CNTN5: variants seen among roughly 807,000 people sequenced by gnomAD.
CNTN5 encodes the protein contactin 5, also known as contactin-5.
Under a neutral mutation model 129.1 loss-of-function variants are expected in CNTN5, and 77 were observed. The observed-to-expected ratio is 0.60, with a 90% CI of 0.50 to 0.72. CNTN5 has a LOEUF of 0.72. Ranked by LOEUF, CNTN5 falls within the 30% of genes least tolerant of loss-of-function variation. CNTN5 has a pLI of 0.00. For synonymous variants in CNTN5, 509 were observed against 465.6 expected, an observed-to-expected ratio of 1.09 and a Z score of -1.20; for missense variants, 1,478 against 1,328.8, an observed-to-expected ratio of 1.11 and a Z score of -1.75.
chr11:99,648,183 C>T (rs574327735), intron 3 of CNTN5, among the ~76,000 whole-genome samples: 15 of 151,974 alleles, frequency 9.9e-5, no homozygotes, highest in Admixed American at 2.6e-4. Context: ...GAAATTATTA[C>T]GTGGTTTTTG....
intron 3 of CNTN5, among the ~76,000 whole-genome samples, chr11:99,653,603 A>C (rs1512124): frequency 0.31 from 46,898 of 151,830 alleles, 7,674 homozygotes; most frequent in Admixed American, 0.45. Flanking sequence ...GAAAATGCTT[A>C]TAGGCAAGAA....
rs1345746761 is a variant in CNTN5, at chr11:100,358,509, T to C, written c.*2289T>C. On this transcript the variant is annotated 3_prime_UTR_variant, in exon 25 of 25. Transcript: ENST00000524871. ...TATGTACTTATGTGCTGCATATCTG[T>C]TACTTTGTAGAAACCAGAAGAGCAT... 1.3e-5 allele frequency: 2 copies of C among 151,926 alleles called. No homozygotes were observed. The highest frequency in any genetic ancestry group is 2.9e-5 in the Non-Finnish European group (2 of 67,854). The allele number at this position is 151,926 out of a possible 1,614,324, so 9.4% of individuals were successfully genotyped here.
chr11:99,210,982 G>A (rs1859746407), intron 1 of CNTN5, among the ~76,000 whole-genome samples: 1 of 151,980 alleles, frequency 6.6e-6, no homozygotes, highest in South Asian at 2.1e-4. Flanking sequence ...AGCTCTAATA[G>A]AACTATAAAA....
At chr11:99,800,441 T>C (rs1379780819) in intron 3 of CNTN5, among the ~76,000 whole-genome samples, 1 of 152,166 alleles carries the variant, frequency 6.6e-6, no homozygotes, top group East Asian at 1.9e-4. Flanking sequence ...TGTGGAATAT[T>C]CTGTAGATGT....
At chr11:99,808,283 A>G (rs1339715862) in intron 3 of CNTN5, among the ~76,000 whole-genome samples, 2 of 152,188 alleles carry the variant, frequency 1.3e-5, no homozygotes, top group Non-Finnish European at 2.9e-5. Context: ...AGGCTGCAAT[A>G]TTTTAGCCCA....
intron 12 of CNTN5, 130 bp downstream of exon 12, chr11:100,071,964 G>T: frequency 1.2e-6 from 1 of 845,568 alleles, no homozygotes; most frequent in Non-Finnish European, 1.7e-6. Flanking sequence ...GAAATACTAT[G>T]TCTTGCTGAT....
chr11:99,856,816 T>C (rs1948049776), intron 6 of CNTN5, among the ~76,000 whole-genome samples: 1 of 152,198 alleles, frequency 6.6e-6, no homozygotes, highest in African/African-American at 2.4e-5. Flanking sequence ...TTGGACTCTG[T>C]CATTTTTCCA....
At chr11:99,935,244 A>G (rs1950289541) in intron 7 of CNTN5, among the ~76,000 whole-genome samples, 1 of 151,992 alleles carries the variant, frequency 6.6e-6, no homozygotes, top group African/African-American at 2.4e-5. Context: ...TGAGCCCTAT[A>G]GAAAATGATA....
chr11:99,945,892 T>A (rs920149422), intron 7 of CNTN5, among the ~76,000 whole-genome samples: 8 of 152,100 alleles, frequency 5.3e-5, no homozygotes, highest in Non-Finnish European at 1.0e-4. Flanking sequence ...ATAATATAAA[T>A]TGTGTTACTA....
At chr11:99,388,719 T>C (rs1323383989) in intron 2 of CNTN5, among the ~76,000 whole-genome samples, 1 of 152,126 alleles carries the variant, frequency 6.6e-6, no homozygotes. Flanking sequence ...CTACTATACA[T>C]ACAGATTTGT....
intron 8 of CNTN5, among the ~76,000 whole-genome samples, chr11:100,000,787 A>G (rs1235673299): frequency 6.6e-6 from 1 of 152,192 alleles, no homozygotes; most frequent in Non-Finnish European, 1.5e-5. Flanking sequence ...AGAGGTTGCC[A>G]AACCTGAACT....
In CNTN5 at chr11:100,191,246, T is replaced by G; in HGVS notation, c.1701T>G (p.Ser567=). 6.2e-7 allele frequency: 1 copy of G among 1,612,136 alleles called. No homozygotes were observed. Among genetic ancestry groups the G allele is most frequent in the Non-Finnish European group, 8.5e-7 (1 of 1,178,908 alleles). The part of the protein sequence containing the change: ...FGSAEIIASL[S]VKEPTRIELT... Reference sequence around the variant, plus strand: ...CTGCTGAAATTATAGCTTCGCTATCTGTAAAAGGTAAGACAGCACGGGTAA... The same window carrying G: ...CTGCTGAAATTATAGCTTCGCTATCGGTAAAAGGTAAGACAGCACGGGTAA... Residue 567 remains serine (S), a synonymous_variant, in exon 14 of 25, where the codon TCT becomes TCG. Coordinates refer to ENST00000524871, the MANE Select transcript of CNTN5 (RefSeq NM_014361.4).
rs148593448 is a variant in CNTN5, at chr11:99,953,312, C to A, written c.674-3494C>A. ...AGAGAAGATCTTCTGTTTATTGACA[C>A]TGAATCAGTTGCAGCAATTGCATAG... On this transcript the variant is annotated intron_variant, in intron 7 of 24. Coordinates refer to ENST00000524871, the MANE Select transcript of CNTN5 (RefSeq NM_014361.4). Among the ~76,000 whole-genome samples, 407 of 152,254 alleles carry A rather than the reference C, an allele frequency of 2.7e-3. 3 individuals are homozygous for A. Among genetic ancestry groups the A allele is most frequent in the Middle Eastern group, 0.01 (3 of 294 alleles).
intron 1 of CNTN5, among the ~76,000 whole-genome samples, chr11:99,043,169 T>A (rs936085198): frequency 6.6e-6 from 1 of 152,080 alleles, no homozygotes; most frequent in Non-Finnish European, 1.5e-5. Context: ...GAATTAGAGG[T>A]TTAAAACAAA....
intron 3 of CNTN5, among the ~76,000 whole-genome samples, chr11:99,611,380 A>G (rs764361321): frequency 6.6e-6 from 1 of 152,196 alleles, no homozygotes; most frequent in African/African-American, 2.4e-5. Flanking sequence ...TAAAATATAT[A>G]CAGCTGTAAT....
At chr11:99,391,656 A>G (rs1941266192) in intron 2 of CNTN5, among the ~76,000 whole-genome samples, 1 of 152,084 alleles carries the variant, frequency 6.6e-6, no homozygotes, top group Admixed American at 6.6e-5. Context: ...AGGTGAAGGT[A>G]GGGCATTAAG....
At chr11:99,739,764 T>C (rs1943831186) in intron 3 of CNTN5, among the ~76,000 whole-genome samples, 1 of 152,266 alleles carries the variant, frequency 6.6e-6, no homozygotes, top group Non-Finnish European at 1.5e-5. Context: ...TTAAAGAGAT[T>C]TTTGTAGCGA....
intron 8 of CNTN5, among the ~76,000 whole-genome samples, chr11:99,992,843 A>T (rs1369087887): frequency 6.6e-6 from 1 of 152,250 alleles, no homozygotes; most frequent in Non-Finnish European, 1.5e-5. Context: ...ATGAGAAATT[A>T]GGGTAATTTA....
chr11:99,615,626 A>AG (rs1950736236), intron 3 of CNTN5, among the ~76,000 whole-genome samples: 1 of 152,204 alleles, frequency 6.6e-6, no homozygotes, highest in Admixed American at 6.5e-5. Flanking sequence ...AGTACAGAGA[A>AG]GTCCTATGTA....
Sources: allele counts gnomAD v4.1 joint callset (sites outside exome capture counted in the v4.1 genomes callset), GRCh38; gene constraint gnomAD v4.1.1; transcripts MANE v1.5; gene names NCBI Gene and HGNC (gene_info 2026-07-23, HGNC 2026-07-21).